Variants in RIMBP2 observed in about 807,000 individuals in gnomAD.
The protein encoded by RIMBP2 is RIMS binding protein 2.
RIMBP2 carries 48 observed loss-of-function variants against 118.6 expected under a neutral mutation model. The ratio of observed to expected loss-of-function variants is 0.40; its 90% CI spans 0.32 to 0.51. The LOEUF is 0.51. Ranked by LOEUF, RIMBP2 falls within the 20% of genes least tolerant of loss-of-function variation. RIMBP2 has a pLI of 0.41. For synonymous variants in RIMBP2, 762 were observed against 742.9 expected, an observed-to-expected ratio of 1.03 and a Z score of -0.42; for missense variants, 1,551 against 1,768.3, an observed-to-expected ratio of 0.88 and a Z score of 2.20.
intron 17 of RIMBP2, among the ~76,000 whole-genome samples, chr12:130,416,042 C>A (rs1417617510): frequency 6.6e-6 from 1 of 152,038 alleles, no homozygotes; most frequent in East Asian, 1.9e-4. Context: ...GGTGAAAGAT[C>A]TCTACAAGGA....
Position 130,698,657 on chromosome 12 carries a change from G to A in RIMBP2, c.-352+17565C>T, listed in dbSNP as rs1260232640. 3.3e-5 allele frequency among the ~76,000 whole-genome samples: 5 copies of A among 152,198 alleles called. No individual in the cohort carries two copies. In the South Asian group the frequency reaches 1.0e-3, roughly 32 times the overall value. Reference sequence around the variant, plus strand: ...AGAAAACCTAGGCAATACCATTCAGGACATAGGCATGGGCAAGGACTTCAT... The same window carrying A: ...AGAAAACCTAGGCAATACCATTCAGAACATAGGCATGGGCAAGGACTTCAT... On this transcript the variant is annotated intron_variant, in intron 1 of 22. Coordinates refer to ENST00000690449, the MANE Select transcript of RIMBP2 (RefSeq NM_001393629.1).
intron 2 of RIMBP2, among the ~76,000 whole-genome samples, chr12:130,568,216 C>T (rs1226326266): frequency 2.6e-5 from 4 of 152,188 alleles, no homozygotes; most frequent in Non-Finnish European, 5.9e-5. Context: ...GCTCAACCAA[C>T]CAACCTTGCA....
intron 2 of RIMBP2, among the ~76,000 whole-genome samples, chr12:130,552,035 T>C (rs192829633): frequency 6.6e-6 from 1 of 152,360 alleles, no homozygotes; most frequent in Admixed American, 6.5e-5. Context: ...TCCACAGCAT[T>C]GGATTAAATT....
At chr12:130,547,294 C>T (rs1219283621) in intron 2 of RIMBP2, among the ~76,000 whole-genome samples, 1 of 152,198 alleles carries the variant, frequency 6.6e-6, no homozygotes, top group Non-Finnish European at 1.5e-5. Context: ...TTTAGCATTA[C>T]TTAGTGTAGT....
chr12:130,580,939 GTGTGTGTGTTTGTT>G (rs1187340551), intron 2 of RIMBP2, among the ~76,000 whole-genome samples: 1 of 151,670 alleles, frequency 6.6e-6, no homozygotes, highest in Non-Finnish European at 1.5e-5. Flanking sequence ...GTGTGTGTGT[GTGTGTGTGTTTGTT>G]TGTGTGTGTG....
At chr12:130,583,628 A>G (rs1366233275) in intron 2 of RIMBP2, among the ~76,000 whole-genome samples, 1 of 151,462 alleles carries the variant, frequency 6.6e-6, no homozygotes, top group Non-Finnish European at 1.5e-5. Context: ...CATCATCACT[A>G]TCACAACCAT....
intron 13 of RIMBP2, among the ~76,000 whole-genome samples, chr12:130,436,063 C>G (rs956320169): frequency 6.6e-6 from 1 of 152,212 alleles, no homozygotes; most frequent in South Asian, 2.1e-4. Flanking sequence ...CAGGTGGAAA[C>G]GGGCTCAACA....
At chr12:130,699,117 T>C (rs2065714077) in intron 1 of RIMBP2, among the ~76,000 whole-genome samples, 1 of 152,204 alleles carries the variant, frequency 6.6e-6, no homozygotes, top group African/African-American at 2.4e-5. Context: ...GGAACACTTT[T>C]ACACTGTTGG....
intron 3 of RIMBP2, among the ~76,000 whole-genome samples, chr12:130,510,778 T>C (rs1315753373): frequency 6.6e-6 from 1 of 152,200 alleles, no homozygotes; most frequent in Non-Finnish European, 1.5e-5. Context: ...TGATATTTAC[T>C]CTTTCATGGA....
intron 7 of RIMBP2, among the ~76,000 whole-genome samples, chr12:130,455,256 A>G (rs947635767): frequency 5.9e-5 from 9 of 152,186 alleles, no homozygotes; most frequent in Non-Finnish European, 1.0e-4. Flanking sequence ...TCACAGCTCA[A>G]ATGTGGTTTC....
In RIMBP2 at chr12:130,663,527, TAA is replaced by T. The variant is rs772221974; in HGVS notation, c.-351-35073_-351-35072del. Among the ~76,000 whole-genome samples the T allele has an allele frequency of 5.3e-5, 8 of 151,422 alleles. No homozygotes were observed. In the East Asian group the frequency reaches 1.2e-3, roughly 22 times the overall value. ...ATAAAAGTACAAAGTGCCAGAAACATAAATAGATGACTCACCAAAAAGACACT... is the reference window on the plus strand; with the variant it reads ...ATAAAAGTACAAAGTGCCAGAAACATATAGATGACTCACCAAAAAGACACT... On this transcript the variant is annotated intron_variant, in intron 1 of 22. Coordinates refer to ENST00000690449, the MANE Select transcript of RIMBP2 (RefSeq NM_001393629.1).
At chr12:130,510,925 G>C (rs1316633489) in intron 3 of RIMBP2, among the ~76,000 whole-genome samples, 3 of 152,168 alleles carry the variant, frequency 2.0e-5, no homozygotes, top group African/African-American at 7.2e-5. Flanking sequence ...TGGACAAGGA[G>C]GGGGAGGGAG....
intron 1 of RIMBP2, among the ~76,000 whole-genome samples, chr12:130,641,491 C>T (rs551349533): frequency 9.4e-4 from 142 of 150,924 alleles, no homozygotes; most frequent in African/African-American, 3.3e-3. Flanking sequence ...ATGGTGACTG[C>T]CGGACACTCG....
chr12:130,649,784 G>A (rs1458205689), intron 1 of RIMBP2, among the ~76,000 whole-genome samples: 2 of 151,978 alleles, frequency 1.3e-5, no homozygotes, highest in African/African-American at 2.4e-5. Context: ...GACAGCACCC[G>A]AACAGGGAGG....
intron 2 of RIMBP2, among the ~76,000 whole-genome samples, chr12:130,541,831 T>C (rs771144591): frequency 7.9e-5 from 12 of 152,240 alleles, no homozygotes; most frequent in Non-Finnish European, 1.5e-4. Flanking sequence ...TCATCTAATA[T>C]ATGTTTGTTG....
chr12:130,630,116 T>A (rs2061904363), intron 1 of RIMBP2, among the ~76,000 whole-genome samples: 1 of 151,872 alleles, frequency 6.6e-6, no homozygotes, highest in South Asian at 2.1e-4. Context: ...ATAAAAATTT[T>A]AATGGCAGAT....
intron 13 of RIMBP2, among the ~76,000 whole-genome samples, 170 bp from the exon 14 acceptor site, chr12:130,435,050 CTT>C (rs375104659): frequency 4.8e-5 from 7 of 144,408 alleles, no homozygotes; most frequent in African/African-American, 1.0e-4. Flanking sequence ...CCACCAGAAT[CTT>C]TTTTTTTTTT....
At chr12:130,706,524 C>T (rs2066129327) in intron 1 of RIMBP2, among the ~76,000 whole-genome samples, 1 of 152,236 alleles carries the variant, frequency 6.6e-6, no homozygotes, top group African/African-American at 2.4e-5. Flanking sequence ...GGAGCAGCTC[C>T]CCGCACAGAT....
At chr12:130,541,847 T>C (rs1011236800) in intron 2 of RIMBP2, among the ~76,000 whole-genome samples, 2 of 152,218 alleles carry the variant, frequency 1.3e-5, no homozygotes, top group African/African-American at 4.8e-5. Flanking sequence ...TGTTGAACAC[T>C]TTCTAGGTGT....
Sources: gnomAD v4.1 joint callset for allele counts (sites outside exome capture counted in the v4.1 genomes callset) on GRCh38, gnomAD v4.1.1 for gene constraint, MANE v1.5 for transcripts, NCBI Gene and HGNC (gene_info 2026-07-23, HGNC 2026-07-21) for gene names.